The following CELSR3 variants were observed in gnomAD, a reference collection of about 807,000 sequenced individuals.
CELSR3 encodes EGF-like protein 1.
Under a neutral mutation model 270.0 loss-of-function variants are expected in CELSR3, and 73 were observed. The observed-to-expected ratio is 0.27, with a 90% CI of 0.22 to 0.33. The LOEUF (loss-of-function observed/expected upper bound fraction) is 0.33, where lower values mean the gene tolerates loss of function less well. Ranked by LOEUF, CELSR3 falls within the 10% of genes least tolerant of loss-of-function variation. CELSR3 has a pLI of 1.00. For missense variants in CELSR3, 3,614 were observed against 4,533.8 expected, an observed-to-expected ratio of 0.80 and a Z score of 5.83; for synonymous variants, 1,780 against 1,905.4, an observed-to-expected ratio of 0.93 and a Z score of 1.71.
chr3:48,662,572 G>C lies in CELSR3; in HGVS notation c.63C>G (p.Leu21=). The C allele has an allele frequency of 1.3e-6, 2 of 1,560,496 alleles. No individual in the cohort carries two copies. Among genetic ancestry groups the C allele is most frequent in the Non-Finnish European group, 1.7e-6 (2 of 1,152,652 alleles). Residue 21 remains leucine, a synonymous_variant, in exon 1 of 35, where the codon CTC becomes CTG. Coordinates refer to ENST00000164024, the MANE Select transcript of CELSR3 (RefSeq NM_001407.3). The surrounding 1 kb of genome is among the most constrained non-coding windows in gnomAD (Gnocchi z 7.1). ...LGGRSTPILL[L]LLLSLFPLSQ... is the part of the protein sequence containing the mutation. The stretch of plus-strand genomic sequence containing the variant: ...TGAGGGGGAACAAAGAGAGGAGAAG[G>C]AGCAGGAGTATGGGGGTCGACCGTC...
In CELSR3 at chr3:48,651,496, A is replaced by T. The variant is rs1298255261; in HGVS notation, c.6066-17T>A. ...TGGTCCATCCTGGGGGTGCAGAGCC[A>T]GGTAAGATGCCTCCACGGTATCCCA... On this transcript the variant is annotated splice_polypyrimidine_tract_variant and intron_variant, in intron 13 of 34. Coordinates refer to ENST00000164024, the MANE Select transcript of CELSR3 (RefSeq NM_001407.3). This position sits in a 1 kb window ranked among gnomAD's most constrained non-coding sequence, Gnocchi z 7.4. 1.2e-6 allele frequency: 2 copies of T among 1,613,104 alleles called. No individual in the cohort carries two copies. The highest frequency in any genetic ancestry group is 2.2e-5 in the South Asian group (2 of 91,074).
intron 27 of CELSR3, 137 bp from the exon 28 acceptor site, chr3:48,643,814 T>G: frequency 2.0e-6 from 2 of 990,618 alleles, no homozygotes; most frequent in Non-Finnish European, 2.9e-6. Flanking sequence ...TGGAGGTCTC[T>G]GGAGGACACT....
chr3:48,639,656 T>G lies in CELSR3; in HGVS notation c.9911+18A>C, dbSNP rs761603990. 2.5e-6 allele frequency: 4 copies of G among 1,611,602 alleles called. No homozygotes were observed. The South Asian group carries it at 4.4e-5, about 18-fold the overall frequency. ...CTAAGCTGATGAGGGTGCAAGCAGG[T>G]GGCTGGACCATACTTACTCTGAGTC... On this transcript the variant is annotated intron_variant, in intron 34 of 34. Coordinates refer to ENST00000164024, the MANE Select transcript of CELSR3 (RefSeq NM_001407.3). This position sits in a 1 kb window ranked among gnomAD's most constrained non-coding sequence, Gnocchi z 4.1.
At position 48,655,462 on chromosome 3, in the gene CELSR3, C is replaced by T. The variant is rs1258839451; in HGVS notation, c.4742-68G>A. The T allele has an allele frequency of 5.3e-6, 8 of 1,517,790 alleles. No individual in the cohort carries two copies. The South Asian group carries it at 9.0e-5, about 17-fold the overall frequency. 94.0% of individuals were successfully genotyped at this position (1,517,790 alleles called of 1,614,324 possible). The stretch of plus-strand genomic sequence containing the variant: ...CGCCCCATCCCACCCGTCATATAAG[C>T]ACAACCATTCCCAGGGCCACCCTGG... On this transcript the variant is annotated intron_variant, in intron 4 of 34. Coordinates refer to ENST00000164024, the MANE Select transcript of CELSR3 (RefSeq NM_001407.3). The surrounding 1 kb of genome is among the most constrained non-coding windows in gnomAD (Gnocchi z 5.8).
In CELSR3 at chr3:48,651,414, A is replaced by T; in HGVS notation, c.6131T>A (p.Val2044Asp). ...SPTCGPCNCD[V>D]HKGFDPNCNK... is the part of the protein sequence containing the mutation. ...GCAGTTGGGATCAAAACCTTTGTGA[A>T]CATCACAGTTGCAGGGGCCACAGGT... Residue 2044 changes from valine (V) to aspartate (D), a missense_variant, in exon 14 of 35, where the codon GTT (valine) becomes GAT (aspartate). Val to Asp is a radical substitution (Grantham distance 152, BLOSUM62 -3). Coordinates refer to ENST00000164024, the MANE Select transcript of CELSR3 (RefSeq NM_001407.3). This position sits in a 1 kb window ranked among gnomAD's most constrained non-coding sequence, Gnocchi z 7.4. 6.2e-7 allele frequency: 1 copy of T among 1,614,046 alleles called. No individual in the cohort carries two copies. Among genetic ancestry groups the T allele is most frequent in the Non-Finnish European group, 8.5e-7 (1 of 1,179,962 alleles).
In CELSR3 at chr3:48,651,121, G is replaced by A. The variant is rs770638660; in HGVS notation, c.6187-46C>T. 4 of 1,522,336 alleles carry A rather than the reference G, an allele frequency of 2.6e-6. No individual in the cohort carries two copies. In the South Asian group the frequency reaches 5.1e-5, roughly 20 times the overall value. The allele number at this position is 1,522,336 out of a possible 1,614,324, so 94.3% of individuals were successfully genotyped here. The stretch of plus-strand genomic sequence containing the variant: ...GGCCTGAAGTCAGAGGTCAGGGCTT[G>A]GGGAATGAGTGGAATCAAGGATAAA... On this transcript the variant is annotated intron_variant, in intron 14 of 34. Transcript: ENST00000164024. The surrounding 1 kb of genome is among the most constrained non-coding windows in gnomAD (Gnocchi z 7.4).
Position 48,650,431 on chromosome 3 carries a change from A to T in CELSR3, c.6472+49T>A. On this transcript the variant is annotated intron_variant, in intron 16 of 34. Transcript: ENST00000164024. The surrounding 1 kb of genome is among the most constrained non-coding windows in gnomAD (Gnocchi z 5.1). ...AAGACATGGCTCTAGCAGTCAGAGT[A>T]CAGGCCCACCCCCACCCTCAGTGAT... The T allele has an allele frequency of 9.3e-6, 8 of 861,064 alleles. No homozygotes were observed. Among genetic ancestry groups the T allele is most frequent in the Non-Finnish European group, 1.5e-5 (8 of 542,234 alleles). 53.3% of individuals were successfully genotyped at this position (861,064 alleles called of 1,614,324 possible). A position where few individuals can be genotyped will look rare whatever the true frequency, so the allele number is the denominator to read the frequency against.
chr3:48,647,989 G>A lies in CELSR3; in HGVS notation c.6981C>T (p.Ser2327=). The A allele has an allele frequency of 6.2e-7, 1 of 1,611,970 alleles. No homozygotes were observed. The highest frequency in any genetic ancestry group is 8.5e-7 in the Non-Finnish European group (1 of 1,179,618). The stretch of plus-strand genomic sequence containing the variant: ...AACTGGGGTGCTCCATGCGGTCAAT[G>A]CTGAGCACTACCCAGGAGAAAGAAA... ...MGLVTPNIML[S]IDRMEHPSSP... The change falls in exon 20 of 35, where the codon AGC becomes AGT. Residue 2327 remains serine (S), a synonymous_variant. Transcript: ENST00000164024.
At position 48,642,210 on chromosome 3, in the gene CELSR3, G is replaced by T. The variant is rs1169782843; in HGVS notation, c.8665+148C>A. On this transcript the variant is annotated intron_variant, in intron 31 of 34. Transcript: ENST00000164024. This position sits in a 1 kb window ranked among gnomAD's most constrained non-coding sequence, Gnocchi z 6.1. ...TCAGGAGTGGACTGGGAGAACCAGG[G>T]CTGGAGAGGTAGGTGCCTCCTGAGG... is the stretch of plus-strand genomic sequence containing the variant. 1 of 924,088 alleles carries T rather than the reference G, an allele frequency of 1.1e-6. No homozygotes were observed. Among genetic ancestry groups the T allele is most frequent in the Non-Finnish European group, 1.6e-6 (1 of 628,710 alleles). 57.2% of individuals were successfully genotyped at this position (924,088 alleles called of 1,614,324 possible).
At position 48,642,639 on chromosome 3, in the gene CELSR3, G is replaced by A. The variant is rs891655027; in HGVS notation, c.8555+97C>T. 9 of 1,518,702 alleles carry A rather than the reference G, an allele frequency of 5.9e-6. No individual in the cohort carries two copies. The highest frequency in any genetic ancestry group is 7.1e-6 in the Non-Finnish European group (8 of 1,132,096). 94.1% of individuals were successfully genotyped at this position (1,518,702 alleles called of 1,614,324 possible). A position where few individuals can be genotyped will look rare whatever the true frequency, so the allele number is the denominator to read the frequency against. On this transcript the variant is annotated intron_variant, in intron 30 of 34. Transcript: ENST00000164024. This position sits in a 1 kb window ranked among gnomAD's most constrained non-coding sequence, Gnocchi z 6.1. ...GCAGGGCCCCAGATGGCCAAGATGG[G>A]TGGAGCCACCCGCCCTAGGACCTGG...
At position 48,653,493 on chromosome 3, in the gene CELSR3, G is replaced by T; in HGVS notation, c.5448+126C>A. The T allele has an allele frequency of 9.0e-7, 1 of 1,108,756 alleles. No homozygotes were observed. The allele number at this position is 1,108,756 out of a possible 1,614,324, so 68.7% of individuals were successfully genotyped here. ...AATCAAGGGCTAGGGTCCAGAGCAGGGTCAAGTGTGGTTGGGACACCTGGC... is the reference window on the plus strand; with the variant it reads ...AATCAAGGGCTAGGGTCCAGAGCAGTGTCAAGTGTGGTTGGGACACCTGGC... On this transcript the variant is annotated intron_variant, in intron 9 of 34. Coordinates refer to ENST00000164024, the MANE Select transcript of CELSR3 (RefSeq NM_001407.3). This position sits in a 1 kb window ranked among gnomAD's most constrained non-coding sequence, Gnocchi z 6.5.
Position 48,656,122 on chromosome 3 carries a change from C to G in CELSR3, c.4625+18G>C. On this transcript the variant is annotated intron_variant, in intron 3 of 34. Coordinates refer to ENST00000164024, the MANE Select transcript of CELSR3 (RefSeq NM_001407.3). ...TGGGGGCGGCGGGGAGGCGCTCAGA[C>G]ACGGGGCGGGCACCTACGAGAGGGA... is the stretch of plus-strand genomic sequence containing the variant. 6.5e-7 allele frequency: 1 copy of G among 1,532,616 alleles called. No homozygotes were observed. Among genetic ancestry groups the G allele is most frequent in the Non-Finnish European group, 8.7e-7 (1 of 1,145,176 alleles). The allele number at this position is 1,532,616 out of a possible 1,614,324, so 94.9% of individuals were successfully genotyped here. A position where few individuals can be genotyped will look rare whatever the true frequency, so the allele number is the denominator to read the frequency against.
Position 48,653,554 on chromosome 3 carries a change from A to G in CELSR3, c.5448+65T>C. 1 of 1,568,092 alleles carries G rather than the reference A, an allele frequency of 6.4e-7. No homozygotes were observed. The highest frequency in any genetic ancestry group is 8.7e-7 in the Non-Finnish European group (1 of 1,149,696). On this transcript the variant is annotated intron_variant, in intron 9 of 34. Coordinates refer to ENST00000164024, the MANE Select transcript of CELSR3 (RefSeq NM_001407.3). This position sits in a 1 kb window ranked among gnomAD's most constrained non-coding sequence, Gnocchi z 6.5. ...GCTGTGTGACCAACCTGAACCCACA[A>G]GAATGTCAGTGGCGGCCTAAGAGAC... is the stretch of plus-strand genomic sequence containing the variant.
In CELSR3 at chr3:48,645,695, T is replaced by C. The variant is rs761595097; in HGVS notation, c.7591-46A>G. The C allele has an allele frequency of 6.9e-6, 11 of 1,600,580 alleles. No homozygotes were observed. ...GATGGGTTGTTGGGCAGAATCCCCG[T>C]GTCCCTTTGACCCCCCACTTCCTTG... On this transcript the variant is annotated intron_variant, in intron 23 of 34. Coordinates refer to ENST00000164024, the MANE Select transcript of CELSR3 (RefSeq NM_001407.3). This position sits in a 1 kb window ranked among gnomAD's most constrained non-coding sequence, Gnocchi z 5.4.
chr3:48,651,513 G>T lies in CELSR3; in HGVS notation c.6066-34C>A. The stretch of plus-strand genomic sequence containing the variant: ...GCAGAGCCAGGTAAGATGCCTCCAC[G>T]GTATCCCAGTGACCCTCCCTGTCCC... On this transcript the variant is annotated intron_variant, in intron 13 of 34. Transcript: ENST00000164024. This position sits in a 1 kb window ranked among gnomAD's most constrained non-coding sequence, Gnocchi z 7.4. 1 of 1,610,502 alleles carries T rather than the reference G, an allele frequency of 6.2e-7. No homozygotes were observed. The highest frequency in any genetic ancestry group is 1.7e-5 in the Admixed American group (1 of 59,912).
rs777935014 is a variant in CELSR3 at position 48,645,712 on chromosome 3, A to G, written c.7590+30T>C. 10 of 1,600,602 alleles carry G rather than the reference A, an allele frequency of 6.2e-6. No individual in the cohort carries two copies. The South Asian group carries it at 1.1e-4, about 18-fold the overall frequency. ...AATCCCCGTGTCCCTTTGACCCCCC[A>G]CTTCCTTGGGACACTGAACACAGCC... is the stretch of plus-strand genomic sequence containing the variant. On this transcript the variant is annotated intron_variant, in intron 23 of 34. Transcript: ENST00000164024. This position sits in a 1 kb window ranked among gnomAD's most constrained non-coding sequence, Gnocchi z 5.4.
In CELSR3 at chr3:48,657,219, C is replaced by T. The variant is rs1251106080; in HGVS notation, c.3878G>A (p.Gly1293Asp). Residue 1293 changes from glycine to aspartate, a missense_variant, in exon 2 of 35, where the codon GGC becomes GAC. Around this residue, in one of 7 missense-constraint regions of CELSR3, gnomAD observed 1,331 missense variants for 1,933.7 expected, o/e 0.69. Transcript: ENST00000164024. The surrounding 1 kb of genome is among the most constrained non-coding windows in gnomAD (Gnocchi z 5.4). Reference sequence around the variant, plus strand: ...CGCAGCCACGCCCTCGAGGAAGCGGCCCAGCAGCGGTGACAGGAAGCGCTC... The same window carrying T: ...CGCAGCCACGCCCTCGAGGAAGCGGTCCAGCAGCGGTGACAGGAAGCGCTC... Reference protein sequence around the residue: ...WQERFLSPLLGRFLEGVAAVL... With the variant: ...WQERFLSPLLDRFLEGVAAVL... The T allele has an allele frequency of 1.9e-6, 3 of 1,613,564 alleles. No individual in the cohort carries two copies. The African/African-American group carries it at 4.0e-5, about 22-fold the overall frequency.
At position 48,645,800 on chromosome 3, in the gene CELSR3, C is replaced by A; in HGVS notation, c.7532G>T (p.Arg2511Leu). The A allele has an allele frequency of 1.2e-6, 2 of 1,611,860 alleles. No individual in the cohort carries two copies. The highest frequency in any genetic ancestry group is 8.5e-7 in the Non-Finnish European group (1 of 1,179,482). ...GGTCCCTGTCCGGCTGCAGCGACACCGTGCGTGGGACCCATTCCTGTGCAC... is the reference window on the plus strand; with the variant it reads ...GGTCCCTGTCCGGCTGCAGCGACACAGTGCGTGGGACCCATTCCTGTGCAC... ...ELVHRNGSHA[R>L]CRCSRTGTFG... The change falls in exon 23 of 35, where the codon CGG becomes CTG. Residue 2511 changes from arginine to leucine, a missense_variant. Arg to Leu is a moderately radical substitution (Grantham distance 102, BLOSUM62 -2). This residue lies in a region of CELSR3 where 1,240 missense variants were observed against 1,351.7 expected (regional missense o/e 0.92). Coordinates refer to ENST00000164024, the MANE Select transcript of CELSR3 (RefSeq NM_001407.3). The surrounding 1 kb of genome is among the most constrained non-coding windows in gnomAD (Gnocchi z 5.4).
Position 48,660,767 on chromosome 3 carries a change from T to G in CELSR3, c.1868A>C (p.Gln623Pro). Residue 623 changes from glutamine to proline, a missense_variant, in exon 1 of 35, where the codon CAG becomes CCG. Physicochemically the swap from Gln to Pro is moderately conservative, Grantham distance 76. Coordinates refer to ENST00000164024, the MANE Select transcript of CELSR3 (RefSeq NM_001407.3). This position sits in a 1 kb window ranked among gnomAD's most constrained non-coding sequence, Gnocchi z 5.5. ...GGACAGCGGTGGCCGGCCAGCATCC[T>G]GCGCCCTGATGCGCAAGGCATACTC... ...EREYALRIRA[Q>P]DAGRPPLSNN... The G allele has an allele frequency of 6.2e-7, 1 of 1,614,128 alleles. No individual in the cohort carries two copies. The highest frequency in any genetic ancestry group is 2.2e-5 in the East Asian group (1 of 44,874).
Sources: allele counts gnomAD v4.1 joint callset, GRCh38; gene constraint gnomAD v4.1.1; regional missense constraint gnomAD v4.1.1; non-coding constraint Gnocchi (gnomAD v3.1); transcripts MANE v1.5; gene names NCBI Gene and HGNC (gene_info 2026-07-23, HGNC 2026-07-21).